The following PKNOX1 variants were observed in gnomAD, a reference collection of about 807,000 sequenced individuals.
PKNOX1 encodes homeobox protein PKNOX1.
Under a neutral mutation model 51.9 loss-of-function variants are expected in PKNOX1, and 15 were observed. The ratio of observed to expected loss-of-function variants is 0.29; its 90% CI spans 0.19 to 0.45. PKNOX1 has a LOEUF of 0.45. Ranked by LOEUF, PKNOX1 falls within the 20% of genes least tolerant of loss-of-function variation. PKNOX1 has a pLI of 1.00. For synonymous variants in PKNOX1, 219 were observed against 211.1 expected (o/e 1.04, Z -0.32); for missense variants, 462 against 547.5 (o/e 0.84, Z 1.56).
intron 5 of PKNOX1, among the ~76,000 whole-genome samples, chr21:43,015,251 A>G (rs1469175560): frequency 6.6e-6 from 1 of 152,226 alleles, no homozygotes; most frequent in East Asian, 1.9e-4. Flanking sequence ...TTATCAAGTT[A>G]AGGAGGTTAT....
intron 1 of PKNOX1, among the ~76,000 whole-genome samples, chr21:43,001,715 C>T (rs907669981): frequency 2.6e-5 from 4 of 152,184 alleles, no homozygotes; most frequent in African/African-American, 4.8e-5. Context: ...AATCCCAGCA[C>T]TTTGGGAGGC....
chr21:42,975,991 A>G (rs1450528115), intron 1 of PKNOX1, among the ~76,000 whole-genome samples: 1 of 152,234 alleles, frequency 6.6e-6, no homozygotes, highest in Non-Finnish European at 1.5e-5. Context: ...ATGCTCTTGC[A>G]TTTAGTCATA....
At chr21:42,994,646 A>T (rs377591459) in intron 1 of PKNOX1, among the ~76,000 whole-genome samples, 1 of 152,108 alleles carries the variant, frequency 6.6e-6, no homozygotes, top group South Asian at 2.1e-4. Context: ...ATTTATGTTT[A>T]TATTTTTATT....
intron 2 of PKNOX1, among the ~76,000 whole-genome samples, chr21:43,005,342 C>A (rs2146263276): frequency 6.6e-6 from 1 of 152,198 alleles, no homozygotes; most frequent in Non-Finnish European, 1.5e-5. Context: ...GGCGCTGGGT[C>A]CCCCTTTCCC....
At chr21:42,975,367 C>T (rs2058989727) in intron 1 of PKNOX1, among the ~76,000 whole-genome samples, 1 of 151,866 alleles carries the variant, frequency 6.6e-6, no homozygotes, top group Non-Finnish European at 1.5e-5. Flanking sequence ...CGCTCGCTGA[C>T]GGCAGTGTTT....
intron 1 of PKNOX1, among the ~76,000 whole-genome samples, chr21:43,003,527 T>C (rs1017866324): frequency 6.6e-6 from 1 of 152,142 alleles, no homozygotes; most frequent in African/African-American, 2.4e-5. Context: ...AACTCCCTGA[T>C]CTCAGCCTGT....
intron 1 of PKNOX1, among the ~76,000 whole-genome samples, chr21:42,984,043 A>C (rs1236690076): frequency 1.3e-5 from 2 of 150,788 alleles, no homozygotes; most frequent in Non-Finnish European, 2.9e-5. Context: ...CCCCTTTTTG[A>C]ATTGGGTTTC....
chr21:43,029,438 T>G (rs1290081042), intron 10 of PKNOX1, among the ~76,000 whole-genome samples: 2 of 138,256 alleles, frequency 1.4e-5, no homozygotes, highest in Non-Finnish European at 3.1e-5. Flanking sequence ...TTTTTTTTTT[T>G]TTTTTTTGAG....
chr21:43,009,330 A>G (rs1271319564), intron 3 of PKNOX1, among the ~76,000 whole-genome samples: 2 of 152,160 alleles, frequency 1.3e-5, no homozygotes, highest in Non-Finnish European at 2.9e-5. Flanking sequence ...CTGTAGTCCT[A>G]GCTACTTGGG....
intron 1 of PKNOX1, among the ~76,000 whole-genome samples, chr21:42,994,431 C>T (rs376331722): frequency 5.2e-5 from 5 of 96,358 alleles, no homozygotes. Flanking sequence ...CCCACATTGG[C>T]TTCCCAAAAT....
chr21:43,016,670 G>C (rs1469600380), intron 5 of PKNOX1, among the ~76,000 whole-genome samples: 1 of 152,204 alleles, frequency 6.6e-6, no homozygotes, highest in Non-Finnish European at 1.5e-5. Flanking sequence ...TAATCTTTTG[G>C]AAGCCACAGT....
Position 43,013,149 on chromosome 21 carries a change from C to A in PKNOX1, c.433C>A (p.Arg145=). 6.2e-7 allele frequency: 1 copy of A among 1,613,606 alleles called. No homozygotes were observed. The highest frequency in any genetic ancestry group is 8.5e-7 in the Non-Finnish European group (1 of 1,179,648). Residue 145 remains arginine, a synonymous_variant, in exon 5 of 11, where the codon CGA becomes AGA. Coordinates refer to ENST00000291547, the MANE Select transcript of PKNOX1 (RefSeq NM_004571.5). ...CGAACTCTGCAAAGATTTCTGCAGT[C>A]GATACATTGCTTGTCTGAAAACAAA... ...VNELCKDFCS[R]YIACLKTKMN...
At chr21:42,984,974 CTTTTTTT>C (rs71195904) in intron 1 of PKNOX1, among the ~76,000 whole-genome samples, 1 of 57,998 alleles carries the variant, frequency 1.7e-5, no homozygotes, top group Non-Finnish European at 2.9e-5. Context: ...ATTTTCTTTT[CTTTTTTT>C]TTTTTTTTTT....
At chr21:43,004,236 T>C (rs1978889134) in intron 1 of PKNOX1, 90 bp from the exon 2 acceptor site, 1 of 581,544 alleles carries the variant, frequency 1.7e-6, no homozygotes, top group East Asian at 3.2e-5. Context: ...AAACTCGGTC[T>C]CAAAAAAAAA....
At position 43,001,498 on chromosome 21, in the gene PKNOX1, C is replaced by T. The variant is rs544128701; in HGVS notation, c.-56-2828C>T. On this transcript the variant is annotated intron_variant, in intron 1 of 10. Transcript: ENST00000291547. ...CCACATCCTTGGTCCTCCTTCTCCA[C>T]GAGGCTTTGGGGGCACCACCTGGTT... is the stretch of plus-strand genomic sequence containing the variant. Among the ~76,000 whole-genome samples the T allele has an allele frequency of 3.9e-5, 6 of 152,292 alleles. No individual in the cohort carries two copies. In the South Asian group the frequency reaches 8.3e-4, roughly 21 times the overall value.
At position 43,021,045 on chromosome 21, in the gene PKNOX1, G is replaced by C; in HGVS notation, c.721-258G>C. 1 of 231,620 alleles carries C rather than the reference G, an allele frequency of 4.3e-6. No individual in the cohort carries two copies. Among genetic ancestry groups the C allele is most frequent in the East Asian group, 1.1e-4 (1 of 9,290 alleles). The allele number at this position is 231,620 out of a possible 1,614,324, so 14.3% of individuals were successfully genotyped here. The stretch of plus-strand genomic sequence containing the variant: ...AATCACTTGAGCCCAGGAGTTCAAG[G>C]CTGCAGTGAGCCGTGACTGCACCAC... On this transcript the variant is annotated intron_variant, in intron 7 of 10. Coordinates refer to ENST00000291547, the MANE Select transcript of PKNOX1 (RefSeq NM_004571.5). The surrounding 1 kb of genome is among the most constrained non-coding windows in gnomAD (Gnocchi z 4.6).
Position 42,999,142 on chromosome 21 carries a change from T to G in PKNOX1, c.-56-5184T>G, listed in dbSNP as rs370919931. 5.3e-5 allele frequency among the ~76,000 whole-genome samples: 8 copies of G among 152,374 alleles called. No homozygotes were observed. The South Asian group carries it at 6.2e-4, about 12-fold the overall frequency. On this transcript the variant is annotated intron_variant, in intron 1 of 10. Coordinates refer to ENST00000291547, the MANE Select transcript of PKNOX1 (RefSeq NM_004571.5). The stretch of plus-strand genomic sequence containing the variant: ...CTCAATTCTTGACTTCTGTGCACTC[T>G]CAGGCCCAATGCCATGTGGAAGCTG...
chr21:42,990,365 T>C (rs1015512236), intron 1 of PKNOX1, among the ~76,000 whole-genome samples: 2 of 152,224 alleles, frequency 1.3e-5, no homozygotes, highest in African/African-American at 4.8e-5. Context: ...TGGAGCACAC[T>C]GCTAGGATGC....
chr21:42,993,024 A>G (rs1311316421), intron 1 of PKNOX1, among the ~76,000 whole-genome samples: 1 of 152,130 alleles, frequency 6.6e-6, no homozygotes, highest in African/African-American at 2.4e-5. Context: ...GAGTGTCACT[A>G]TGAACAAGAT....
Sources: allele counts gnomAD v4.1 joint callset (sites outside exome capture counted in the v4.1 genomes callset), GRCh38; gene constraint gnomAD v4.1.1; non-coding constraint Gnocchi (gnomAD v3.1); transcripts MANE v1.5; gene names NCBI Gene and HGNC (gene_info 2026-07-23, HGNC 2026-07-21).